The following ZNF599 variants were observed in gnomAD, a reference collection of about 807,000 sequenced individuals.
ZNF599 encodes the protein zinc finger protein 599.
A neutral mutation model predicts 11.7 loss-of-function variants in ZNF599; 10 were observed. The observed-to-expected ratio is 0.86, with a 90% CI of 0.53 to 1.45. The LOEUF is 1.45. Among genes scored for constraint, ZNF599 ranks in the 40% most tolerant of loss-of-function variants. The probability of loss-of-function intolerance (pLI) is 0.00; values close to 1 mark genes in which losing one functional copy is unlikely to be tolerated. For synonymous variants in ZNF599, 232 were observed against 253.2 expected, an observed-to-expected ratio of 0.92 and a Z score of 0.79; for missense variants, 688 against 713.6, an observed-to-expected ratio of 0.96 and a Z score of 0.41.
chr19:34,799,038 G>A, the ZNF599 span, among the ~76,000 whole-genome samples: 1 of 151,862 alleles, frequency 6.6e-6, no homozygotes, highest in African/African-American at 2.4e-5. Flanking sequence ...GTCTCATTCT[G>A]TCACCCAGGC....
the ZNF599 span, among the ~76,000 whole-genome samples, chr19:34,800,411 G>A: frequency 6.6e-6 from 1 of 152,026 alleles, no homozygotes; most frequent in Non-Finnish European, 1.5e-5. Flanking sequence ...CTTGAAGATT[G>A]TTGGGTCTTA....
At chr19:34,777,117 C>T (rs1299320092), upstream of ZNF599, among the ~76,000 whole-genome samples, 1 of 150,084 alleles carries the variant, frequency 6.7e-6, no homozygotes, top group African/African-American at 2.5e-5. Flanking sequence ...ACGATAAAAG[C>T]ATTATGAGGA....
At position 34,758,995 on chromosome 19, in the gene ZNF599, TA is replaced by T. The variant is rs781659608; in HGVS notation, c.*38del. 11 of 1,555,320 alleles carry T rather than the reference TA, an allele frequency of 7.1e-6. No homozygotes were observed. The highest frequency in any genetic ancestry group is 9.6e-6 in the Non-Finnish European group (11 of 1,150,714). ...AGGTATGTCACCACTATGAGTTCACTAAAGACAAACACACTTGTAATAGGCC... is the reference window on the plus strand; with the variant it reads ...AGGTATGTCACCACTATGAGTTCACTAAGACAAACACACTTGTAATAGGCC... On this transcript the variant is annotated 3_prime_UTR_variant, in exon 4 of 4. Coordinates refer to ENST00000329285, the MANE Select transcript of ZNF599 (RefSeq NM_001007248.3).
At chr19:34,778,490 A>G in the ZNF599 span, among the ~76,000 whole-genome samples, 1 of 152,202 alleles carries the variant, frequency 6.6e-6, no homozygotes, top group South Asian at 2.1e-4. Flanking sequence ...GCAAAGTTTT[A>G]TCAAGAAATA....
the ZNF599 span, among the ~76,000 whole-genome samples, chr19:34,797,954 C>T: frequency 6.6e-6 from 1 of 152,124 alleles, no homozygotes; most frequent in Non-Finnish European, 1.5e-5. Context: ...CCCCATGCAT[C>T]CATTTATAGG....
At chr19:34,806,853 C>T in the ZNF599 span, among the ~76,000 whole-genome samples, 2 of 152,156 alleles carry the variant, frequency 1.3e-5, no homozygotes, top group Admixed American at 6.5e-5. Context: ...TCTATGGCGG[C>T]CAAGCTGGTA....
rs149676522 is a variant in ZNF599, at chr19:34,759,777, C to T, written c.1024G>A (p.Gly342Ser). Reference sequence around the variant, plus strand: ...TGCGTGAAGGCCTTTCCACATTCACCGCACTCATAGAGTTTCTTTCCAGTA... The same window carrying T: ...TGCGTGAAGGCCTTTCCACATTCACTGCACTCATAGAGTTTCTTTCCAGTA... ...IHTGKKLYEC[G>S]ECGKAFTHRS... Residue 342 changes from glycine to serine, a missense_variant, in exon 4 of 4, where the codon GGT (glycine) becomes AGT (serine). Gly to Ser is a moderately conservative substitution (Grantham distance 56). Transcript: ENST00000329285. 3.7e-4 allele frequency: 604 copies of T among 1,613,980 alleles called. 2 individuals are homozygous for T. In the African/African-American group the frequency reaches 6.4e-3, roughly 17 times the overall value.
At chr19:34,792,634 T>G in the ZNF599 span, among the ~76,000 whole-genome samples, 2 of 152,016 alleles carry the variant, frequency 1.3e-5, no homozygotes. Flanking sequence ...GAGGCCAAAG[T>G]GGGCAGATCA....
At chr19:34,782,003 A>G in the ZNF599 span, among the ~76,000 whole-genome samples, 5 of 152,198 alleles carry the variant, frequency 3.3e-5, no homozygotes, top group Non-Finnish European at 7.3e-5. Flanking sequence ...TGGATGAGGT[A>G]TGGCCATTAG....
chr19:34,772,187 C>T (rs1035748464), intron 1 of ZNF599: 1 of 325,412 alleles, frequency 3.1e-6, no homozygotes, highest in Non-Finnish European at 4.4e-6. Flanking sequence ...TTTTCAAATA[C>T]AAGAGCATGT....
chr19:34,769,070 T>C (rs184874682), intron 2 of ZNF599, among the ~76,000 whole-genome samples: 211 of 152,310 alleles, frequency 1.4e-3, no homozygotes, highest in Non-Finnish European at 2.6e-3. Context: ...TCTGTGTCAA[T>C]CACCCGCTGC....
At chr19:34,761,121 G>T (rs1318917019) in intron 3 of ZNF599, among the ~76,000 whole-genome samples, 3 of 152,110 alleles carry the variant, frequency 2.0e-5, no homozygotes, top group South Asian at 2.1e-4. Flanking sequence ...AATGTAAATG[G>T]GATGACATGA....
chr19:34,772,506 C>T (rs953847846), intron 1 of ZNF599: 1 of 1,281,720 alleles, frequency 7.8e-7, no homozygotes, highest in Admixed American at 4.0e-5. Context: ...CAAGCGTACC[C>T]TCTCCAGCTC....
At chr19:34,766,360 T>C (rs1301929552) in intron 3 of ZNF599, among the ~76,000 whole-genome samples, 3 of 152,114 alleles carry the variant, frequency 2.0e-5, no homozygotes, top group Non-Finnish European at 2.9e-5. Flanking sequence ...GCGTATCTGA[T>C]ACATAAATGA....
chr19:34,762,700 A>C (rs2069120018), intron 3 of ZNF599: 1 of 152,226 alleles, frequency 6.6e-6, no homozygotes, highest in South Asian at 2.1e-4. Flanking sequence ...TTAGTAACTT[A>C]CTGTTGAATA....
chr19:34,783,076 A>G, the ZNF599 span, among the ~76,000 whole-genome samples: 1 of 152,392 alleles, frequency 6.6e-6, no homozygotes, highest in African/African-American at 2.4e-5. Flanking sequence ...GCAGGCAGGC[A>G]GATAGACACC....
the ZNF599 span, chr19:34,779,372 A>G: frequency 2.5e-6 from 1 of 394,930 alleles, no homozygotes; most frequent in East Asian, 8.4e-5. Context: ...AACTGCTGGG[A>G]TTACAGGTGT....
At chr19:34,772,364 T>C (rs2069188420) in intron 1 of ZNF599, 1 of 995,742 alleles carries the variant, frequency 1.0e-6, no homozygotes, top group Non-Finnish European at 1.2e-6. Context: ...TCATTCCCTC[T>C]CCCAGCTTTT....
chr19:34,769,575 T>G lies in ZNF599; in HGVS notation c.19-20A>C. The G allele has an allele frequency of 6.2e-7, 1 of 1,608,852 alleles. No individual in the cohort carries two copies. ...TAATGCCTGGGAAGTCAAACAGAGG[T>G]GACAGGTGGCTGTGGAGCTATTAGG... On this transcript the variant is annotated intron_variant, in intron 1 of 3. Transcript: ENST00000329285.
Sources: gnomAD v4.1 joint callset for allele counts (sites outside exome capture counted in the v4.1 genomes callset) on GRCh38, gnomAD v4.1.1 for gene constraint, MANE v1.5 for transcripts, NCBI Gene and HGNC (gene_info 2026-07-23, HGNC 2026-07-21) for gene names.